Variants in SBF1 observed in about 807,000 individuals in gnomAD.
SBF1 encodes the protein SET binding factor 1, also known as myotubularin-related protein 5.
A neutral mutation model predicts 215.8 loss-of-function variants in SBF1; 65 were observed. The ratio of observed to expected loss-of-function variants is 0.30; its 90% CI spans 0.25 to 0.37. SBF1 has a LOEUF of 0.37. SBF1 is among the 10% of genes least tolerant of loss of function. The probability of loss-of-function intolerance (pLI) is 1.00; values close to 1 mark genes in which losing one functional copy is unlikely to be tolerated. For missense variants in SBF1, 2,634 were observed against 2,667.8 expected (o/e 0.99, Z 0.28); for synonymous variants, 1,410 against 1,122.8 (o/e 1.26, Z -5.11).
intron 38 of SBF1, among the ~76,000 whole-genome samples, 186 bp from the exon 39 acceptor site, chr22:50,447,795 G>A (rs1341286980): frequency 6.6e-6 from 1 of 152,240 alleles, no homozygotes; most frequent in Admixed American, 6.5e-5. Context: ...GGGGGCTGCA[G>A]GCCCAAGAAG....
intron 28 of SBF1, among the ~76,000 whole-genome samples, chr22:50,458,411 G>A (rs2148580124): frequency 6.6e-6 from 1 of 152,180 alleles, no homozygotes; most frequent in East Asian, 1.9e-4. Context: ...GACACGGGGA[G>A]GCAGCAGCCA....
At chr22:50,472,234 C>G (rs1022300462) in intron 1 of SBF1, among the ~76,000 whole-genome samples, 1 of 152,208 alleles carries the variant, frequency 6.6e-6, no homozygotes, top group Non-Finnish European at 1.5e-5. Context: ...CCCCTCCCCA[C>G]CTTTCCTGAG....
In SBF1 at chr22:50,467,823, G is replaced by A; in HGVS notation, c.242C>T (p.Ala81Val). ...CGCTGGCTCCCAGAAGGTCAAGCAG[G>A]CGCAGTAGTGGCGCTCGGAGTTGAT... is the stretch of plus-strand genomic sequence containing the variant. Reference protein sequence around the residue: ...TDINSERHYCACLTFWEPAEP... With the variant: ...TDINSERHYCVCLTFWEPAEP... The change falls in exon 3 of 41, where the codon GCC (alanine) becomes GTC (valine). Residue 81 changes from alanine (A) to valine (V), a missense_variant. Ala to Val is a moderately conservative substitution (Grantham distance 64). Coordinates refer to ENST00000380817, the MANE Select transcript of SBF1 (RefSeq NM_002972.4). The A allele has an allele frequency of 6.2e-7, 1 of 1,614,034 alleles. No homozygotes were observed. The highest frequency in any genetic ancestry group is 8.5e-7 in the Non-Finnish European group (1 of 1,179,980).
intron 36 of SBF1, among the ~76,000 whole-genome samples, chr22:50,453,604 G>A (rs537645098): frequency 2.9e-4 from 44 of 152,192 alleles, no homozygotes; most frequent in African/African-American, 8.9e-4. Flanking sequence ...TGGCTAACAC[G>A]GTAAAACCCC....
At chr22:50,458,082 C>G (rs1027585622) in intron 28 of SBF1, among the ~76,000 whole-genome samples, 2 of 152,074 alleles carry the variant, frequency 1.3e-5, no homozygotes, top group South Asian at 2.1e-4. Context: ...GGCGGATCAC[C>G]AGGTCAGGAG....
chr22:50,447,007 G>A lies in SBF1; in HGVS notation c.*135C>T. 1 of 807,568 alleles carries A rather than the reference G, an allele frequency of 1.2e-6. No individual in the cohort carries two copies. The highest frequency in any genetic ancestry group is 2.1e-5 in the Admixed American group (1 of 47,550). The allele number at this position is 807,568 out of a possible 1,614,324, so 50.0% of individuals were successfully genotyped here. On this transcript the variant is annotated 3_prime_UTR_variant, in exon 41 of 41. Coordinates refer to ENST00000380817, the MANE Select transcript of SBF1 (RefSeq NM_002972.4). ...GCGGGGCGGGGCGGGGACGGGGGCT[G>A]TACACACAAGTGCTGGGGGCTCGGG...
In SBF1 at chr22:50,460,132, A is replaced by G; in HGVS notation, c.3311T>C (p.Leu1104Pro). 6.2e-7 allele frequency: 1 copy of G among 1,612,482 alleles called. No homozygotes were observed. Among genetic ancestry groups the G allele is most frequent in the South Asian group, 1.1e-5 (1 of 91,086 alleles). Residue 1104 changes from leucine to proline, a missense_variant, in exon 26 of 41, where the codon CTG becomes CCG. Leu to Pro is a moderately conservative substitution (Grantham distance 98). Coordinates refer to ENST00000380817, the MANE Select transcript of SBF1 (RefSeq NM_002972.4). ...GGGCTTCAGGGCTGAGGACGGGGTC[A>G]GCGTGCTGGGCTCCAGCTCCTCCGA... ...SVSEELEPST[L>P]TPSSALKPSD...
intron 16 of SBF1, 57 bp downstream of exon 16, chr22:50,463,226 C>T (rs532900413): frequency 2.3e-5 from 36 of 1,599,962 alleles, no homozygotes; most frequent in Middle Eastern, 2.0e-4. Context: ...AGGGTCTGCC[C>T]GCCTGTTCCC....
chr22:50,455,581 A>G lies in SBF1; in HGVS notation c.4268T>C (p.Ile1423Thr). 1 of 1,571,198 alleles carries G rather than the reference A, an allele frequency of 6.4e-7. No individual in the cohort carries two copies. Among genetic ancestry groups the G allele is most frequent in the Non-Finnish European group, 8.6e-7 (1 of 1,158,100 alleles). Residue 1423 changes from isoleucine to threonine, a missense_variant and splice_region_variant, in exon 32 of 41, where the codon ATC becomes ACC. Transcript: ENST00000380817. ...SLEDSEWLIQ[I>T]HKLLQVSVLV... ...CACAGACACCTGCAGCAGCTTGTGG[A>G]TCTGCAGGGACAGGCGGCCTCAGCA...
At chr22:50,457,936 C>T (rs1409763041) in intron 28 of SBF1, among the ~76,000 whole-genome samples, 1 of 152,234 alleles carries the variant, frequency 6.6e-6, no homozygotes, top group Non-Finnish European at 1.5e-5. Flanking sequence ...CTGCAGGCGC[C>T]CAGCTCACAG....
intron 1 of SBF1, among the ~76,000 whole-genome samples, chr22:50,470,513 G>A (rs55941056): frequency 6.6e-6 from 1 of 152,110 alleles, no homozygotes; most frequent in Non-Finnish European, 1.5e-5. Flanking sequence ...AGGCCAAGCA[G>A]GCACCTCTCC....
chr22:50,454,453 GGTGTCT>G, intron 36 of SBF1, 53 bp downstream of exon 36: 1 of 1,429,580 alleles, frequency 7.0e-7, no homozygotes, highest in South Asian at 1.1e-5. Flanking sequence ...GCACGACCCT[GGTGTCT>G]GAGCGAGAGG....
rs1359652963 is a variant in SBF1 at position 50,447,023 on chromosome 22, G to A, written c.*119C>T. The A allele has an allele frequency of 4.0e-5, 36 of 889,792 alleles. No homozygotes were observed. The highest frequency in any genetic ancestry group is 3.8e-4 in the Admixed American group (18 of 47,006). 55.1% of individuals were successfully genotyped at this position (889,792 alleles called of 1,614,324 possible). ...ACGGGGGCTGTACACACAAGTGCTG[G>A]GGGCTCGGGGCCTCAATACTGTCGA... is the stretch of plus-strand genomic sequence containing the variant. On this transcript the variant is annotated 3_prime_UTR_variant, in exon 41 of 41. Coordinates refer to ENST00000380817, the MANE Select transcript of SBF1 (RefSeq NM_002972.4).
rs2067212677 is a variant in SBF1 at position 50,455,511 on chromosome 22, G to A, written c.4338C>T (p.Gly1446=). The change falls in exon 32 of 41, where the codon GGC becomes GGT. Residue 1446 remains glycine, a synonymous_variant. Transcript: ENST00000380817. ...LLDSGSSVLV[G]LEDGWDITTQ... ...TGGTGATGTCCCAGCCATCCTCCAG[G>A]CCCACCAGCACGGAGGAGCCTGAAT... The A allele has an allele frequency of 1.2e-6, 2 of 1,606,614 alleles. No homozygotes were observed. Among genetic ancestry groups the A allele is most frequent in the Non-Finnish European group, 1.7e-6 (2 of 1,176,932 alleles).
Position 50,462,563 on chromosome 22 carries a change from G to C in SBF1, c.2123C>G (p.Ala708Gly), listed in dbSNP as rs1156938120. 6.2e-7 allele frequency: 1 copy of C among 1,610,458 alleles called. No individual in the cohort carries two copies. Among genetic ancestry groups the C allele is most frequent in the Non-Finnish European group, 8.5e-7 (1 of 1,178,964 alleles). Residue 708 changes from alanine to glycine, a missense_variant, in exon 18 of 41, where the codon GCC (alanine) becomes GGC (glycine). Physicochemically the swap from Ala to Gly is moderately conservative, Grantham distance 60. Transcript: ENST00000380817. Reference sequence around the variant, plus strand: ...GCCCAGGGAGTCCCTGCGCACCTGGGCGGGGGCCAGGTCCTCCGTGGGCTC... The same window carrying C: ...GCCCAGGGAGTCCCTGCGCACCTGGCCGGGGGCCAGGTCCTCCGTGGGCTC... ...YLEPTEDLAPAQEVGEAPSQE... is the reference protein window; with the variant it reads ...YLEPTEDLAPGQEVGEAPSQE...
Position 50,455,467 on chromosome 22 carries a change from C to T in SBF1, c.4368+14G>A, listed in dbSNP as rs2067211229. On this transcript the variant is annotated intron_variant, in intron 32 of 40. Coordinates refer to ENST00000380817, the MANE Select transcript of SBF1 (RefSeq NM_002972.4). The stretch of plus-strand genomic sequence containing the variant: ...CCGGGAGCCTGGCCCACCCCAGCCC[C>T]ACGCGCCACACACCTGGGTGGTGAT... 4 of 1,611,832 alleles carry T rather than the reference C, an allele frequency of 2.5e-6. No individual in the cohort carries two copies. Among genetic ancestry groups the T allele is most frequent in the South Asian group, 1.1e-5 (1 of 90,946 alleles).
intron 22 of SBF1, 110 bp downstream of exon 22, chr22:50,461,413 C>T: frequency 6.7e-7 from 1 of 1,491,052 alleles, no homozygotes; most frequent in Non-Finnish European, 9.0e-7. Flanking sequence ...GCCCGTTTCC[C>T]ACGGGCACCC....
rs114714564 is a variant in SBF1, at chr22:50,453,911, C to T, written c.5043+601G>A. ...TGCCTGCTCAGTCCCACAGAGACTC[C>T]GGGATGGCCCCAAAAGGTAGCACCA... On this transcript the variant is annotated intron_variant, in intron 36 of 40. Transcript: ENST00000380817. 6.6e-3 allele frequency among the ~76,000 whole-genome samples: 1,004 copies of T among 152,256 alleles called. 15 individuals are homozygous for T. Among genetic ancestry groups the T allele is most frequent in the African/African-American group, 0.022 (934 of 41,552 alleles).
chr22:50,458,327 C>CAGGGCTGG (rs2067344482), intron 28 of SBF1, among the ~76,000 whole-genome samples: 1 of 139,100 alleles, frequency 7.2e-6, no homozygotes, highest in Non-Finnish European at 1.6e-5. Flanking sequence ...AAAAAAAGGT[C>CAGGGCTGG]AGGGCTGGGA....
Sources: gnomAD v4.1 joint callset for allele counts (sites outside exome capture counted in the v4.1 genomes callset) on GRCh38, gnomAD v4.1.1 for gene constraint, MANE v1.5 for transcripts, NCBI Gene and HGNC (gene_info 2026-07-23, HGNC 2026-07-21) for gene names.